COQ8A: variants seen among roughly 807,000 people sequenced by gnomAD.
COQ8A encodes the protein coenzyme Q8A.
Under a neutral mutation model 65.0 loss-of-function variants are expected in COQ8A, and 51 were observed. The ratio of observed to expected loss-of-function variants is 0.78; its 90% CI spans 0.63 to 0.99. The LOEUF (loss-of-function observed/expected upper bound fraction) is 0.99, where lower values mean the gene tolerates loss of function less well. COQ8A is among the 50% of genes least tolerant of loss of function. COQ8A has a pLI of 0.00. For synonymous variants in COQ8A, 371 were observed against 353.2 expected, an observed-to-expected ratio of 1.05 and a Z score of -0.57; for missense variants, 940 against 875.0, an observed-to-expected ratio of 1.07 and a Z score of -0.94.
intron 4 of COQ8A, among the ~76,000 whole-genome samples, chr1:226,966,420 G>T (rs578249509): frequency 6.6e-6 from 1 of 152,216 alleles, no homozygotes; most frequent in Non-Finnish European, 1.5e-5. Context: ...CTGCTAATGC[G>T]CTGGCCCAGA....
At chr1:226,942,274 C>T (rs1350089472) in intron 1 of COQ8A, among the ~76,000 whole-genome samples, 1 of 151,950 alleles carries the variant, frequency 6.6e-6, no homozygotes, top group Non-Finnish European at 1.5e-5. Context: ...TGCCTCCTGC[C>T]CTAACCCAGT....
intron 1 of COQ8A, 30 bp from the exon 2 acceptor site, chr1:226,961,347 C>T: frequency 6.2e-7 from 1 of 1,612,042 alleles, no homozygotes; most frequent in Non-Finnish European, 8.5e-7. Flanking sequence ...AGGCCTGGGG[C>T]CTCCCCTGAC....
intron 14 of COQ8A, among the ~76,000 whole-genome samples, chr1:226,985,938 C>T (rs1479020910): frequency 6.6e-6 from 1 of 152,200 alleles, no homozygotes; most frequent in African/African-American, 2.4e-5. Context: ...TCCTTATGGC[C>T]ACTCGCACTG....
chr1:226,951,891 C>T (rs879742957), intron 1 of COQ8A, among the ~76,000 whole-genome samples: 6 of 152,032 alleles, frequency 3.9e-5, no homozygotes, highest in African/African-American at 1.4e-4. Flanking sequence ...GACAAAAAAG[C>T]AAGCAGTAGG....
rs1657210011 is a variant in COQ8A at position 226,949,001 on chromosome 1, A to G, written c.-10+8602A>G. 6.6e-6 allele frequency among the ~76,000 whole-genome samples: 1 copy of G among 152,160 alleles called. No homozygotes were observed. The highest frequency in any genetic ancestry group is 2.1e-4 in the South Asian group (1 of 4,818). ...TCATTTCGAGGAGAGGAAACAGGTC[A>G]GAGATGGTTCGAGAATATGCCTGGA... On this transcript the variant is annotated intron_variant, in intron 1 of 14. Coordinates refer to ENST00000366777, the MANE Select transcript of COQ8A (RefSeq NM_020247.5). The surrounding 1 kb of genome is among the most constrained non-coding windows in gnomAD (Gnocchi z 4.0).
At chr1:226,967,043 C>T (rs535516953) in intron 4 of COQ8A, among the ~76,000 whole-genome samples, 1 of 152,338 alleles carries the variant, frequency 6.6e-6, no homozygotes, top group South Asian at 2.1e-4. Context: ...ATCTATGTGA[C>T]AGCCAAGAGT....
rs1558178070 is a variant in COQ8A at position 226,946,840 on chromosome 1, A to C, written c.-10+6441A>C. ...GGTTGGTGCTGGTGTTGAGTGTGGC[A>C]AGACTGAGGGCCGTGTGCCCGATGG... is the stretch of plus-strand genomic sequence containing the variant. On this transcript the variant is annotated intron_variant, in intron 1 of 14. Transcript: ENST00000366777. This position sits in a 1 kb window ranked among gnomAD's most constrained non-coding sequence, Gnocchi z 5.3. 2.0e-5 allele frequency among the ~76,000 whole-genome samples: 3 copies of C among 152,230 alleles called. No homozygotes were observed. The highest frequency in any genetic ancestry group is 2.0e-4 in the Admixed American group (3 of 15,292).
intron 5 of COQ8A, among the ~76,000 whole-genome samples, chr1:226,980,228 G>C (rs1659605261): frequency 6.6e-6 from 1 of 152,212 alleles, no homozygotes; most frequent in African/African-American, 2.4e-5. Flanking sequence ...CGTAGCCCTG[G>C]GCCCATCCCC....
At chr1:226,941,222 G>A (rs1470266694) in intron 1 of COQ8A, among the ~76,000 whole-genome samples, 1 of 152,170 alleles carries the variant, frequency 6.6e-6, no homozygotes, top group East Asian at 1.9e-4. Context: ...CCTGAGTCGG[G>A]CCTACAGCCT....
chr1:226,956,999 T>C (rs1271021735), intron 1 of COQ8A, among the ~76,000 whole-genome samples: 1 of 108,710 alleles, frequency 9.2e-6, no homozygotes, highest in Non-Finnish European at 1.8e-5. Context: ...CACTCCCTGG[T>C]TCACACTCTC....
At chr1:226,962,122 G>A (rs948290739) in intron 2 of COQ8A, among the ~76,000 whole-genome samples, 2 of 152,194 alleles carry the variant, frequency 1.3e-5, no homozygotes, top group African/African-American at 4.8e-5. Context: ...CTCAGCCTTC[G>A]AAGGCCCTTC....
In COQ8A at chr1:226,957,213, C is replaced by T. The variant is rs73087616; in HGVS notation, c.-9-4164C>T. 7.9e-3 allele frequency among the ~76,000 whole-genome samples: 1,193 copies of T among 151,078 alleles called. 17 individuals carry two copies. Among genetic ancestry groups the T allele is most frequent in the African/African-American group, 0.028 (1,131 of 40,890 alleles). ...TCCCGCTCTCCCTGGCTCCTACTCT[C>T]CCTGGTTCACACTCTCCCTAGTTCA... On this transcript the variant is annotated intron_variant, in intron 1 of 14. Transcript: ENST00000366777.
At position 226,983,845 on chromosome 1, in the gene COQ8A, G is replaced by C. The variant is rs767899984; in HGVS notation, c.1247G>C (p.Arg416Pro). The change falls in exon 10 of 15, where the codon CGC (arginine) becomes CCC (proline). Residue 416 changes from arginine (R) to proline (P), a missense_variant. Physicochemically the swap from Arg to Pro is moderately radical, Grantham distance 103. Coordinates refer to ENST00000366777, the MANE Select transcript of COQ8A (RefSeq NM_020247.5). ...CDYQREAACA[R>P]KFRDLLKGHP... ...TACCAGCGAGAGGCCGCCTGTGCCC[G>C]CAAGTTCAGGTGTGGCCCCCGGCCG... The C allele has an allele frequency of 1.9e-6, 3 of 1,609,804 alleles. No individual in the cohort carries two copies. The highest frequency in any genetic ancestry group is 3.3e-5 in the Admixed American group (2 of 59,928).
At chr1:226,978,557 C>A (rs10916073) in intron 5 of COQ8A, among the ~76,000 whole-genome samples, 46,026 of 67,384 alleles carry the variant, frequency 0.68, 17,370 homozygotes, top group Non-Finnish European at 0.77. Flanking sequence ...CCACACACCC[C>A]CCACAGCCAC....
In COQ8A at chr1:226,985,310, G is replaced by T. The variant is rs1282252939; in HGVS notation, c.1629G>T (p.Glu543Asp). ...AGACTGTGCGGGCGAAATCCATAGA[G>T]ATGAAGTTCCTCACCGGCTACGAGG... ...DRETVRAKSI[E>D]MKFLTGYEVK... The change falls in exon 14 of 15, where the codon GAG becomes GAT. Residue 543 changes from glutamate (E) to aspartate (D), a missense_variant. By Grantham distance (45) the Glu-to-Asp change is conservative. Coordinates refer to ENST00000366777, the MANE Select transcript of COQ8A (RefSeq NM_020247.5). 1 of 1,613,808 alleles carries T rather than the reference G, an allele frequency of 6.2e-7. No homozygotes were observed. Among genetic ancestry groups the T allele is most frequent in the Admixed American group, 1.7e-5 (1 of 60,034 alleles).
intron 1 of COQ8A, among the ~76,000 whole-genome samples, chr1:226,952,174 T>C (rs1657428340): frequency 6.6e-6 from 1 of 152,132 alleles, no homozygotes; most frequent in African/African-American, 2.4e-5. Flanking sequence ...TGAGCCTCTC[T>C]CTCCAAATTG....
In COQ8A at chr1:226,986,614, C is replaced by A. The variant is rs201618750; in HGVS notation, c.1821C>A (p.Tyr607Ter). The A allele has an allele frequency of 2.5e-6, 4 of 1,614,058 alleles. No homozygotes were observed. Among genetic ancestry groups the A allele is most frequent in the Non-Finnish European group, 3.4e-6 (4 of 1,180,014 alleles). The change falls in exon 15 of 15, where the codon TAC (tyrosine) becomes TAA (stop). Residue 607 changes from tyrosine to a stop codon, truncating the protein, a stop_gained. Transcript: ENST00000366777. LOFTEE classifies it high-confidence loss of function. ...HRLVPPPEET[Y>*]SLHRKMGGSF... is the part of the protein sequence containing the mutation. ...TCGTCCCCCCACCCGAGGAAACCTA[C>A]TCCCTGCACAGGAAGATGGGGGGCT...
intron 5 of COQ8A, among the ~76,000 whole-genome samples, chr1:226,978,336 C>T (rs1254114038): frequency 7.1e-6 from 1 of 140,374 alleles, no homozygotes; most frequent in African/African-American, 2.7e-5. Context: ...CCTCTTTATC[C>T]TCCACCCACC....
chr1:226,976,874 C>T (rs1292099463), intron 4 of COQ8A, among the ~76,000 whole-genome samples: 1 of 152,118 alleles, frequency 6.6e-6, no homozygotes, highest in African/African-American at 2.4e-5. Context: ...CATTACCCAG[C>T]GAGGGCTGCG....
Sources: allele counts gnomAD v4.1 joint callset (sites outside exome capture counted in the v4.1 genomes callset), GRCh38; gene constraint gnomAD v4.1.1; non-coding constraint Gnocchi (gnomAD v3.1); transcripts MANE v1.5; gene names NCBI Gene and HGNC (gene_info 2026-07-23, HGNC 2026-07-21).